Variants in MED24 observed in about 807,000 individuals in gnomAD.
MED24 encodes the protein mediator complex subunit 24.
In MED24, 74 loss-of-function variants were observed where a neutral mutation model predicts 118.8. The ratio of observed to expected loss-of-function variants is 0.62; its 90% CI spans 0.52 to 0.76. The LOEUF (loss-of-function observed/expected upper bound fraction) is 0.76. MED24 is among the 30% of genes least tolerant of loss of function. MED24 has a pLI of 0.00. For missense variants in MED24, 1,041 were observed against 1,278.9 expected (o/e 0.81, Z 2.84); for synonymous variants, 521 against 523.9 (o/e 0.99, Z 0.08).
chr17:40,031,861 C>G (rs972749828), intron 10 of MED24, among the ~76,000 whole-genome samples, 182 bp downstream of exon 10: 2 of 146,134 alleles, frequency 1.4e-5, no homozygotes, highest in Non-Finnish European at 3.1e-5. Flanking sequence ...CTGAAGCACA[C>G]GCACATGCTG....
chr17:40,026,004 A>T (rs1319913130), intron 19 of MED24, 152 bp downstream of exon 19: 8 of 755,124 alleles, frequency 1.1e-5, no homozygotes, highest in Non-Finnish European at 1.7e-5. Context: ...ATGTTTGCTG[A>T]GTCAGATGAG....
chr17:40,030,326 C>T (rs1291725153), intron 12 of MED24, among the ~76,000 whole-genome samples: 1 of 151,338 alleles, frequency 6.6e-6, no homozygotes, highest in Non-Finnish European at 1.5e-5. Context: ...GACAGAGTCT[C>T]GCTCTGTCAC....
chr17:40,032,805 C>A, intron 8 of MED24, 43 bp from the exon 9 acceptor site: 1 of 1,523,314 alleles, frequency 6.6e-7, no homozygotes, highest in East Asian at 2.3e-5. Flanking sequence ...GGTGCCCATA[C>A]CCCGTCACCC....
rs569844500 is a variant in MED24 at position 40,046,678 on chromosome 17, G to A, written c.213+6620C>T. Among the ~76,000 whole-genome samples, 22 of 151,128 alleles carry A rather than the reference G, an allele frequency of 1.5e-4. No individual in the cohort carries two copies. The East Asian group carries it at 3.8e-3, about 26-fold the overall frequency. ...GGAGAATGGCGTGAACCCGGGAGGC[G>A]GAGCTTGCAGTGAGCCGAGATCCCG... On this transcript the variant is annotated intron_variant, in intron 3 of 25. Transcript: ENST00000394128.
intron 12 of MED24, among the ~76,000 whole-genome samples, chr17:40,030,933 A>C (rs887466970): frequency 9.9e-5 from 15 of 152,156 alleles, no homozygotes; most frequent in African/African-American, 3.6e-4. Flanking sequence ...TTTTACTTTT[A>C]TCACAAAGAT....
intron 3 of MED24, among the ~76,000 whole-genome samples, chr17:40,044,656 C>A (rs999696715): frequency 2.0e-5 from 3 of 151,876 alleles, no homozygotes; most frequent in African/African-American, 4.8e-5. Context: ...CCGAGGTGGG[C>A]GGATCACGAG....
At chr17:40,043,890 C>CAAAAAAAAAAAAAAAACAAAAAAAAAA (rs35743512) in intron 3 of MED24, among the ~76,000 whole-genome samples, 3 of 97,446 alleles carry the variant, frequency 3.1e-5, no homozygotes, top group Admixed American at 1.1e-4. Context: ...GACTCCATCT[C>CAAAAAAAAAAAAAAAACAAAAAAAAAA]AAAAAAAAAA....
chr17:40,031,655 G>A, intron 10 of MED24, 35 bp from the exon 11 acceptor site: 1 of 1,590,246 alleles, frequency 6.3e-7, no homozygotes, highest in Non-Finnish European at 8.6e-7. Context: ...CTGGTTTCCA[G>A]GGCCACCAGG....
Position 40,023,412 on chromosome 17 carries a change from A to AG in MED24, c.1986-18dup, listed in dbSNP as rs1982272857. 1.3e-6 allele frequency: 2 copies of AG among 1,569,978 alleles called. No homozygotes were observed. Among genetic ancestry groups the AG allele is most frequent in the Non-Finnish European group, 1.7e-6 (2 of 1,155,870 alleles). On this transcript the variant is annotated splice_polypyrimidine_tract_variant and intron_variant, in intron 19 of 25. Transcript: ENST00000394128. The stretch of plus-strand genomic sequence containing the variant: ...ATCACCACCCTGGGGGAGGGCCGAG[A>AG]GAACCTGAGGCTCAGGTGCCACTGT...
chr17:40,026,143 G>C lies in MED24; in HGVS notation c.1985+13C>G. ...CACTTGAAGGGTCTGAGAAGGGAAGGCAGGTTACCGACCTCTCATTGTAGA... is the reference window on the plus strand; with the variant it reads ...CACTTGAAGGGTCTGAGAAGGGAAGCCAGGTTACCGACCTCTCATTGTAGA... On this transcript the variant is annotated intron_variant, in intron 19 of 25. Transcript: ENST00000394128. The C allele has an allele frequency of 6.2e-7, 1 of 1,607,632 alleles. No homozygotes were observed. The highest frequency in any genetic ancestry group is 1.7e-5 in the Admixed American group (1 of 59,802).
intron 3 of MED24, among the ~76,000 whole-genome samples, chr17:40,043,754 A>G (rs1252961033): frequency 6.6e-6 from 1 of 151,676 alleles, no homozygotes; most frequent in African/African-American, 2.4e-5. Flanking sequence ...AGCCAGGCGC[A>G]GTGGCGGGCG....
intron 19 of MED24, among the ~76,000 whole-genome samples, chr17:40,025,728 CT>C (rs1238399267): frequency 6.6e-6 from 1 of 152,120 alleles, no homozygotes; most frequent in Non-Finnish European, 1.5e-5. Context: ...GGTGAATGAA[CT>C]CAACGTAACT....
rs1982248308 is a variant in MED24 at position 40,023,219 on chromosome 17, T to C, written c.2162A>G (p.Lys721Arg). The C allele has an allele frequency of 6.2e-7, 1 of 1,614,010 alleles. No homozygotes were observed. Among genetic ancestry groups the C allele is most frequent in the East Asian group, 2.2e-5 (1 of 44,892 alleles). The change falls in exon 20 of 26, where the codon AAG (lysine) becomes AGG (arginine). Residue 721 changes from lysine to arginine, a missense_variant. Around this residue, in one of 3 missense-constraint regions of MED24, gnomAD observed 587 missense variants for 694.4 expected, o/e 0.85. Coordinates refer to ENST00000394128, the MANE Select transcript of MED24 (RefSeq NM_014815.4). The part of the protein sequence containing the change: ...LTDIFAKVLE[K>R]GWVDSRSIHI... ...GATGGAGCGGCTGTCCACCCAGCCC[T>C]TCTCCAGCACCTTGGCAAAAATGTC...
At chr17:40,024,465 C>T (rs1195500500) in intron 19 of MED24, among the ~76,000 whole-genome samples, 2 of 152,096 alleles carry the variant, frequency 1.3e-5, no homozygotes, top group African/African-American at 4.8e-5. Flanking sequence ...ACCCAGGAGG[C>T]GGAGATTGCA....
chr17:40,023,401 GGAGGGCCGAGA>G lies in MED24; in HGVS notation c.1986-17_1986-7del. 1 of 1,578,668 alleles carries G rather than the reference GGAGGGCCGAGA, an allele frequency of 6.3e-7. No homozygotes were observed. Among genetic ancestry groups the G allele is most frequent in the Non-Finnish European group, 8.6e-7 (1 of 1,160,130 alleles). ...TCGAGTTCATGATCACCACCCTGGG[GGAGGGCCGAGA>G]GAACCTGAGGCTCAGGTGCCACTGT... On this transcript the variant is annotated splice_polypyrimidine_tract_variant and splice_region_variant and intron_variant, in intron 19 of 25. Transcript: ENST00000394128.
At chr17:40,034,853 C>CGGGGGGGGGGGGGGG in intron 6 of MED24, 1 of 309,118 alleles carries the variant, frequency 3.2e-6, no homozygotes. Flanking sequence ...CTTTGGTAGC[C>CGGGGGGGGGGGGGGG]CCCCACCCCC....
Position 40,026,293 on chromosome 17 carries a change from C to G in MED24, c.1848G>C (p.Leu616=), listed in dbSNP as rs1982634990. ...CAAGCCAAGCCACAGCACACACCGC[C>G]AGACTGCATACCTTCCCTTTGATGT... is the stretch of plus-strand genomic sequence containing the variant. ...TDNIKGKVCS[L]AVCAVAWLVA... The change falls in exon 19 of 26, where the codon CTG becomes CTC. Residue 616 remains leucine (L), a synonymous_variant. Transcript: ENST00000394128. 3 of 1,614,206 alleles carry G rather than the reference C, an allele frequency of 1.9e-6. No individual in the cohort carries two copies. In the East Asian group the frequency reaches 6.7e-5, roughly 36 times the overall value.
At chr17:40,025,261 A>G (rs1982508647) in intron 19 of MED24, among the ~76,000 whole-genome samples, 1 of 152,078 alleles carries the variant, frequency 6.6e-6, no homozygotes, top group African/African-American at 2.4e-5. Flanking sequence ...TGAGAGGATC[A>G]CTCAAGGCCA....
In MED24 at chr17:40,029,017, C is replaced by G. The variant is rs201324799; in HGVS notation, c.1267-49G>C. 9.9e-6 allele frequency: 16 copies of G among 1,612,128 alleles called. No individual in the cohort carries two copies. The East Asian group carries it at 3.3e-4, about 34-fold the overall frequency. On this transcript the variant is annotated intron_variant, in intron 13 of 25. Transcript: ENST00000394128. ...GTCCTGAAGAACACTGAAGACCCCC[C>G]ACCCAAGATACAGCCTAGCCACATT... is the stretch of plus-strand genomic sequence containing the variant.
Sources: gnomAD v4.1 joint callset for allele counts (sites outside exome capture counted in the v4.1 genomes callset) on GRCh38, gnomAD v4.1.1 for gene constraint, gnomAD v4.1.1 regional missense constraint, MANE v1.5 for transcripts, NCBI Gene and HGNC (gene_info 2026-07-23, HGNC 2026-07-21) for gene names.